Variants in ADCY8 observed in about 807,000 individuals in gnomAD.
The protein encoded by ADCY8 is adenylate cyclase 8.
Under a neutral mutation model 119.7 loss-of-function variants are expected in ADCY8, and 51 were observed. That is an observed-to-expected ratio of 0.43 (90% CI 0.34 to 0.54). ADCY8 has a LOEUF of 0.54. ADCY8 is among the 20% of genes least tolerant of loss of function. ADCY8 has a pLI of 0.03. For missense variants in ADCY8, 1,383 were observed against 1,598.8 expected (o/e 0.87, Z 2.30); for synonymous variants, 665 against 651.0 (o/e 1.02, Z -0.33).
chr8:130,867,501 T>G (rs930241217), intron 9 of ADCY8, among the ~76,000 whole-genome samples: 3 of 152,216 alleles, frequency 2.0e-5, no homozygotes, highest in Non-Finnish European at 4.4e-5. Flanking sequence ...TACGATGCTG[T>G]ATCTGTGAAT....
At chr8:130,978,697 A>G (rs1822147192) in intron 2 of ADCY8, among the ~76,000 whole-genome samples, 1 of 152,200 alleles carries the variant, frequency 6.6e-6, no homozygotes, top group African/African-American at 2.4e-5. Flanking sequence ...ACCAAACTCT[A>G]GTTTGTTACA....
At chr8:130,929,514 A>T (rs576415226) in intron 5 of ADCY8, among the ~76,000 whole-genome samples, 6 of 152,312 alleles carry the variant, frequency 3.9e-5, no homozygotes, top group African/African-American at 1.4e-4. Context: ...ATATGATTTG[A>T]ATCTTCTTAA....
chr8:130,874,354 T>TAAA (rs574764687), intron 8 of ADCY8, among the ~76,000 whole-genome samples: 2 of 135,962 alleles, frequency 1.5e-5, no homozygotes, highest in Non-Finnish European at 3.2e-5. Context: ...AATAAATAAA[T>TAAA]AAAATACACC....
At chr8:130,784,775 T>A (rs979798101) in intron 16 of ADCY8, among the ~76,000 whole-genome samples, 1 of 152,190 alleles carries the variant, frequency 6.6e-6, no homozygotes, top group Non-Finnish European at 1.5e-5. Context: ...TATTTTATTG[T>A]TTTTAGTTGG....
chr8:131,025,826 C>G (rs184195539), intron 1 of ADCY8, among the ~76,000 whole-genome samples: 297 of 152,296 alleles, frequency 2.0e-3, no homozygotes, highest in African/African-American at 6.9e-3. Context: ...CCCTGGATGC[C>G]TCACTTTTCT....
intron 12 of ADCY8, among the ~76,000 whole-genome samples, chr8:130,824,475 A>G (rs1816612879): frequency 6.6e-6 from 1 of 152,186 alleles, no homozygotes; most frequent in Admixed American, 6.5e-5. Flanking sequence ...TCCTCTGTGT[A>G]CCTACTTATA....
intron 9 of ADCY8, among the ~76,000 whole-genome samples, chr8:130,862,470 C>T (rs541387732): frequency 4.6e-5 from 7 of 152,226 alleles, no homozygotes; most frequent in East Asian, 1.9e-4. Flanking sequence ...TGAATTGCAG[C>T]GGCGCAATCT....
rs187458213 is a variant in ADCY8 at position 130,803,008 on chromosome 8, A to G, written c.2914-2436T>C. Among the ~76,000 whole-genome samples the G allele has an allele frequency of 8.5e-5, 13 of 152,224 alleles. No individual in the cohort carries two copies. The East Asian group carries it at 2.3e-3, about 27-fold the overall frequency. ...GAGGTAACTAATCGGATGATGCATC[A>G]TTTATCGGTTGCCTTCCTTTTCATT... is the stretch of plus-strand genomic sequence containing the variant. On this transcript the variant is annotated intron_variant, in intron 14 of 17. Transcript: ENST00000286355.
rs138070178 is a variant in ADCY8, at chr8:130,780,427, G to A, written c.3719C>T (p.Ala1240Val). The change falls in exon 18 of 18, where the codon GCC becomes GTC. Residue 1240 changes from alanine to valine, a missense_variant. Transcript: ENST00000286355. Reference protein sequence around the residue: ...LLSPSGTEPGAQAEGTDKSDL... With the variant: ...LLSPSGTEPGVQAEGTDKSDL... The stretch of plus-strand genomic sequence containing the variant: ...AGATTTGTCGGTGCCTTCAGCCTGG[G>A]CTCCAGGCTCTGTGCCGCTGGGTGA... 1.2e-6 allele frequency: 2 copies of A among 1,609,412 alleles called. No homozygotes were observed. Among genetic ancestry groups the A allele is most frequent in the African/African-American group, 1.3e-5 (1 of 74,600 alleles).
intron 1 of ADCY8, among the ~76,000 whole-genome samples, chr8:130,996,451 AT>A (rs1822778040): frequency 6.6e-6 from 1 of 152,138 alleles, no homozygotes. Flanking sequence ...TAATGCTATG[AT>A]AATTAAAACT....
At chr8:130,947,754 C>T (rs966295716) in intron 3 of ADCY8, among the ~76,000 whole-genome samples, 2 of 152,088 alleles carry the variant, frequency 1.3e-5, no homozygotes, top group African/African-American at 4.8e-5. Context: ...CCAGACAGAC[C>T]CACAAAATGT....
intron 10 of ADCY8, 21 bp from the exon 11 acceptor site, chr8:130,847,534 A>G: frequency 6.3e-7 from 1 of 1,580,766 alleles, no homozygotes; most frequent in Non-Finnish European, 8.6e-7. Context: ...AAAAAAAAAA[A>G]AAAAGAACAA....
intron 8 of ADCY8, among the ~76,000 whole-genome samples, chr8:130,874,764 A>T (rs1247341729): frequency 6.6e-6 from 1 of 152,104 alleles, no homozygotes; most frequent in Non-Finnish European, 1.5e-5. Context: ...AAAAACTTTT[A>T]AAAACCTTCC....
chr8:130,821,509 AAG>A lies in ADCY8; in HGVS notation c.2676-91_2676-90del, dbSNP rs1007991660. 164 of 969,268 alleles carry A rather than the reference AAG, an allele frequency of 1.7e-4. 1 individual carries two copies. In the African/African-American group the frequency reaches 2.1e-3, roughly 12 times the overall value. 60.0% of individuals were successfully genotyped at this position (969,268 alleles called of 1,614,324 possible). A position where few individuals can be genotyped will look rare whatever the true frequency, so the allele number is the denominator to read the frequency against. On this transcript the variant is annotated intron_variant, in intron 12 of 17. Transcript: ENST00000286355. Reference sequence around the variant, plus strand: ...GAGGTTCAGAAAGGAGTGGTATAAAAAGAAAAAAACACACATCTTTTCAGCAC... The same window carrying A: ...GAGGTTCAGAAAGGAGTGGTATAAAAAAAAAAACACACATCTTTTCAGCAC...
chr8:130,835,119 G>A (rs1816945578), intron 12 of ADCY8, among the ~76,000 whole-genome samples: 1 of 152,084 alleles, frequency 6.6e-6, no homozygotes, highest in African/African-American at 2.4e-5. Context: ...TCCTTTGACT[G>A]TTGGCCACTT....
intron 4 of ADCY8, among the ~76,000 whole-genome samples, chr8:130,941,023 AACTC>A (rs1820939294): frequency 6.6e-6 from 1 of 152,212 alleles, no homozygotes; most frequent in African/African-American, 2.4e-5. Flanking sequence ...TAAGCAGAAA[AACTC>A]AATACAAATG....
intron 9 of ADCY8, among the ~76,000 whole-genome samples, chr8:130,851,579 G>T (rs1817530687): frequency 6.6e-6 from 1 of 152,174 alleles, no homozygotes; most frequent in South Asian, 2.1e-4. Flanking sequence ...GTGGTGGGAG[G>T]TGGAGGATGA....
chr8:130,984,479 G>GTTT (rs34093565), intron 2 of ADCY8, among the ~76,000 whole-genome samples: 1 of 145,250 alleles, frequency 6.9e-6, no homozygotes. Context: ...AGTTTGTTTA[G>GTTT]TTTTTTTTTT....
At chr8:131,031,074 T>A (rs1823981989) in intron 1 of ADCY8, among the ~76,000 whole-genome samples, 1 of 152,180 alleles carries the variant, frequency 6.6e-6, no homozygotes, top group South Asian at 2.1e-4. Context: ...TAATAAAGGA[T>A]TCCCTCTATA....
Sources: allele counts gnomAD v4.1 joint callset (sites outside exome capture counted in the v4.1 genomes callset), GRCh38; gene constraint gnomAD v4.1.1; transcripts MANE v1.5; gene names NCBI Gene and HGNC (gene_info 2026-07-23, HGNC 2026-07-21).